EMB: variants seen among roughly 807,000 people sequenced by gnomAD.
EMB encodes the protein embigin, also known as embigin homolog.
EMB carries 31 observed loss-of-function variants against 41.4 expected under a neutral mutation model. The ratio of observed to expected loss-of-function variants is 0.75; its 90% CI spans 0.56 to 1.01. The LOEUF (loss-of-function observed/expected upper bound fraction) is 1.01, where lower values mean the gene tolerates loss of function less well. Ranked by LOEUF, EMB falls within the 50% of genes least tolerant of loss-of-function variation. EMB has a pLI of 0.00. For missense variants in EMB, 379 were observed against 388.3 expected (o/e 0.98, Z 0.20); for synonymous variants, 137 against 140.4 (o/e 0.98, Z 0.17).
intron 1 of EMB, among the ~76,000 whole-genome samples, chr5:50,430,862 G>C (rs919865047): frequency 6.6e-6 from 1 of 152,108 alleles, no homozygotes; most frequent in African/African-American, 2.4e-5. Context: ...ACTTGTCATG[G>C]ATGGGCTCAA....
In EMB at chr5:50,396,852, T is replaced by C. The variant is rs1487090686; in HGVS notation, c.*2421A>G. The C allele has an allele frequency of 1.3e-5, 2 of 152,006 alleles. No individual in the cohort carries two copies. Among genetic ancestry groups the C allele is most frequent in the Non-Finnish European group, 2.9e-5 (2 of 68,014 alleles). 9.4% of individuals were successfully genotyped at this position (152,006 alleles called of 1,614,324 possible). Reference sequence around the variant, plus strand: ...GGCAATGGGATGGATTCATGAGCTATTAAAAAGGTCAAAGGAGCAGGGATT... The same window carrying C: ...GGCAATGGGATGGATTCATGAGCTACTAAAAAGGTCAAAGGAGCAGGGATT... On this transcript the variant is annotated 3_prime_UTR_variant, in exon 9 of 9. Coordinates refer to ENST00000303221, the MANE Select transcript of EMB (RefSeq NM_198449.3).
chr5:50,417,879 GA>G, intron 2 of EMB, among the ~76,000 whole-genome samples: 1 of 152,210 alleles, frequency 6.6e-6, no homozygotes, highest in South Asian at 2.1e-4. Flanking sequence ...CAATATTTTG[GA>G]AAATATGTTA....
rs183327744 is a variant in EMB at position 50,396,860 on chromosome 5, G to A, written c.*2413C>T. ...GATGGATTCATGAGCTATTAAAAAG[G>A]TCAAAGGAGCAGGGATTCATGACCC... On this transcript the variant is annotated 3_prime_UTR_variant, in exon 9 of 9. Transcript: ENST00000303221. 6.6e-6 allele frequency: 1 copy of A among 152,038 alleles called. No individual in the cohort carries two copies. The highest frequency in any genetic ancestry group is 1.5e-5 in the Non-Finnish European group (1 of 68,008). The allele number at this position is 152,038 out of a possible 1,614,324, so 9.4% of individuals were successfully genotyped here.
At chr5:50,433,977 A>G (rs1745764112) in intron 1 of EMB, among the ~76,000 whole-genome samples, 2 of 152,084 alleles carry the variant, frequency 1.3e-5, no homozygotes, top group Non-Finnish European at 2.9e-5. Context: ...CCCTCTGTAT[A>G]TGTCTCTGTC....
intron 4 of EMB, among the ~76,000 whole-genome samples, chr5:50,406,491 C>A (rs1452041288): frequency 2.0e-5 from 3 of 151,300 alleles, no homozygotes; most frequent in Non-Finnish European, 4.4e-5. Flanking sequence ...CCATTAGAAA[C>A]AGAATACAAA....
chr5:50,404,949 C>T (rs902816783), intron 5 of EMB, among the ~76,000 whole-genome samples: 1 of 151,960 alleles, frequency 6.6e-6, no homozygotes, highest in Admixed American at 6.6e-5. Context: ...AACATCTACA[C>T]TGTCTCACAT....
chr5:50,440,863 G>T (rs1273288150), intron 1 of EMB, among the ~76,000 whole-genome samples, 177 bp downstream of exon 1: 1 of 152,068 alleles, frequency 6.6e-6, no homozygotes, highest in Non-Finnish European at 1.5e-5. Flanking sequence ...TTCAGCTTAG[G>T]TGACACAAAC....
rs1343067167 is a variant in EMB, at chr5:50,397,874, C to T, written c.*1399G>A. 6.6e-6 allele frequency: 1 copy of T among 151,960 alleles called. No homozygotes were observed. Among genetic ancestry groups the T allele is most frequent in the African/African-American group, 2.4e-5 (1 of 41,394 alleles). The allele number at this position is 151,960 out of a possible 1,614,324, so 9.4% of individuals were successfully genotyped here. On this transcript the variant is annotated 3_prime_UTR_variant, in exon 9 of 9. Transcript: ENST00000303221. ...GTTATAGCAACAAAGTATTGAGCAGCTTCCAAGTCACTACCTTATGTGTAT... is the reference window on the plus strand; with the variant it reads ...GTTATAGCAACAAAGTATTGAGCAGTTTCCAAGTCACTACCTTATGTGTAT...
At chr5:50,432,587 A>C (rs1190023582) in intron 1 of EMB, among the ~76,000 whole-genome samples, 1 of 152,090 alleles carries the variant, frequency 6.6e-6, no homozygotes, top group Non-Finnish European at 1.5e-5. Context: ...ACTAAGTAAA[A>C]TACTGATTAT....
intron 1 of EMB, among the ~76,000 whole-genome samples, chr5:50,429,987 TCTCTCTCTCTCTCTCTCTCACACA>T (rs1188767820): frequency 9.7e-4 from 144 of 148,996 alleles, no homozygotes; most frequent in Non-Finnish European, 1.3e-3. Context: ...TCTCTCTCTC[TCTCTCTCTCTCTCTCTCTCACACA>T]CACACACACA....
At chr5:50,440,830 C>A (rs544026922) in intron 1 of EMB, among the ~76,000 whole-genome samples, 2 of 152,212 alleles carry the variant, frequency 1.3e-5, no homozygotes, top group Admixed American at 6.5e-5. Context: ...AGCGCAGGAA[C>A]GCGAGCCGCA....
intron 1 of EMB, among the ~76,000 whole-genome samples, chr5:50,438,229 A>ATTAC (rs1745837354): frequency 6.6e-6 from 1 of 152,078 alleles, no homozygotes; most frequent in Admixed American, 6.6e-5. Context: ...TACTTGGGCA[A>ATTAC]TTAAGCAATT....
intron 4 of EMB, among the ~76,000 whole-genome samples, chr5:50,407,704 A>G (rs1392365381): frequency 6.6e-6 from 1 of 151,956 alleles, no homozygotes; most frequent in East Asian, 1.9e-4. Flanking sequence ...ATTTGGAAAT[A>G]TTTACTAATA....
chr5:50,433,446 C>T (rs1745756743), intron 1 of EMB, among the ~76,000 whole-genome samples: 2 of 152,134 alleles, frequency 1.3e-5, no homozygotes, highest in Admixed American at 6.5e-5. Context: ...TTAACAGTAA[C>T]TTATGCCAAA....
chr5:50,428,373 G>A, intron 1 of EMB, 146 bp from the exon 2 acceptor site: 1 of 1,211,296 alleles, frequency 8.3e-7, no homozygotes, highest in Non-Finnish European at 1.1e-6. Context: ...ATACTTCAAA[G>A]ACATTTAGAG....
At chr5:50,423,339 T>C (rs535417939) in intron 2 of EMB, among the ~76,000 whole-genome samples, 20 of 152,254 alleles carry the variant, frequency 1.3e-4, no homozygotes, top group Admixed American at 6.5e-4. Flanking sequence ...GAGACAGAAA[T>C]GGTGGGTAAT....
intron 2 of EMB, among the ~76,000 whole-genome samples, chr5:50,425,058 C>T (rs1324209780): frequency 1.3e-5 from 2 of 152,146 alleles, no homozygotes; most frequent in African/African-American, 2.4e-5. Flanking sequence ...AATATCCTAA[C>T]ACTTGCAGCA....
chr5:50,409,823 A>G (rs1379231663), intron 4 of EMB, among the ~76,000 whole-genome samples: 3 of 152,114 alleles, frequency 2.0e-5, no homozygotes, highest in Non-Finnish European at 2.9e-5. Flanking sequence ...GAAAGAATAT[A>G]CATGACTAAA....
At chr5:50,414,420 T>G (rs1186126417) in intron 2 of EMB, among the ~76,000 whole-genome samples, 2 of 149,560 alleles carry the variant, frequency 1.3e-5, no homozygotes, top group Non-Finnish European at 3.0e-5. Flanking sequence ...CCATCTAGTC[T>G]CAGGTAGAGG....
Sources: gnomAD v4.1 joint callset for allele counts (sites outside exome capture counted in the v4.1 genomes callset) on GRCh38, gnomAD v4.1.1 for gene constraint, MANE v1.5 for transcripts, NCBI Gene and HGNC (gene_info 2026-07-23, HGNC 2026-07-21) for gene names.